Variants in PER3 observed in about 807,000 individuals in gnomAD.
PER3 encodes period circadian regulator 3, also known as period circadian protein homolog 3.
PER3 carries 107 observed loss-of-function variants against 127.2 expected under a neutral mutation model. That is an observed-to-expected ratio of 0.84 (90% CI 0.72 to 0.99). PER3 has a LOEUF of 0.99. Among genes scored for constraint, PER3 ranks in the 50% least tolerant of loss-of-function variants. The probability of loss-of-function intolerance (pLI) is 0.00; values close to 1 mark genes in which losing one functional copy is unlikely to be tolerated. For synonymous variants in PER3, 618 were observed against 585.8 expected, an observed-to-expected ratio of 1.05 and a Z score of -0.79; for missense variants, 1,560 against 1,525.8, an observed-to-expected ratio of 1.02 and a Z score of -0.37.
chr1:7,814,239 A>C (rs566113183), intron 13 of PER3, among the ~76,000 whole-genome samples: 1 of 152,266 alleles, frequency 6.6e-6, no homozygotes, highest in Non-Finnish European at 1.5e-5. Context: ...GGAATTTTCT[A>C]CTGAGCCAAA....
intron 10 of PER3, 93 bp downstream of exon 10, chr1:7,803,941 TAAAC>T (rs1257894887): frequency 5.1e-6 from 5 of 973,016 alleles, no homozygotes; most frequent in Non-Finnish European, 7.8e-6. Flanking sequence ...AATTGACACA[TAAAC>T]TAAATAAAGC....
chr1:7,831,152 T>C (rs563699527), intron 19 of PER3, among the ~76,000 whole-genome samples: 1 of 152,346 alleles, frequency 6.6e-6, no homozygotes, highest in Non-Finnish European at 1.5e-5. Context: ...GGTTTTATAG[T>C]TTTCAGCCTA....
chr1:7,794,055 G>C (rs774087439), intron 6 of PER3, 47 bp downstream of exon 6: 12 of 1,490,608 alleles, frequency 8.1e-6, no homozygotes, highest in South Asian at 1.1e-5. Flanking sequence ...ATTATGTTCT[G>C]AGTTTATTTT....
Position 7,835,800 on chromosome 1 carries a change from T to G in PER3, c.3253T>G (p.Tyr1085Asp), listed in dbSNP as rs754701955. Reference protein sequence around the residue: ...DSSIYLTSSVYSSKISQNGQQ... With the variant: ...DSSIYLTSSVDSSKISQNGQQ... Reference sequence around the variant, plus strand: ...CAGTATATACCTTACTAGTAGTGTTTATTCTTCTAAAATCTCCCAAAATGG... The same window carrying G: ...CAGTATATACCTTACTAGTAGTGTTGATTCTTCTAAAATCTCCCAAAATGG... The change falls in exon 20 of 22, where the codon TAT (tyrosine) becomes GAT (aspartate). Residue 1085 changes from tyrosine (Y) to aspartate (D), a missense_variant. Tyr to Asp is a radical substitution (Grantham distance 160). This residue lies in a region of PER3 where 199 missense variants were observed against 198.6 expected (regional missense o/e 1.00). Coordinates refer to ENST00000377532, the MANE Select transcript of PER3 (RefSeq NM_001377275.1). The G allele has an allele frequency of 1.2e-6, 2 of 1,612,910 alleles. No homozygotes were observed. Among genetic ancestry groups the G allele is most frequent in the Non-Finnish European group, 1.7e-6 (2 of 1,178,918 alleles).
chr1:7,787,575 G>A, intron 4 of PER3: 2 of 342,742 alleles, frequency 5.8e-6, no homozygotes, highest in Non-Finnish European at 1.1e-5. Context: ...GCCAATGCTA[G>A]CAAACACAAA....
At chr1:7,840,044 C>T (rs567371566) in intron 21 of PER3, among the ~76,000 whole-genome samples, 1 of 152,268 alleles carries the variant, frequency 6.6e-6, no homozygotes, top group Non-Finnish European at 1.5e-5. Flanking sequence ...CACATGTCCT[C>T]CAGGCCCTGT....
intron 15 of PER3, 109 bp downstream of exon 15, chr1:7,820,348 ACCT>A: frequency 1.4e-6 from 2 of 1,405,268 alleles, no homozygotes; most frequent in South Asian, 1.4e-5. Context: ...GTTTCATATT[ACCT>A]CTTTATGACA....
chr1:7,807,121 C>T (rs2097198466), intron 10 of PER3, among the ~76,000 whole-genome samples: 1 of 151,946 alleles, frequency 6.6e-6, no homozygotes, highest in Admixed American at 6.6e-5. Flanking sequence ...CAGGAGTGAA[C>T]AAAGTAGACA....
At chr1:7,810,208 T>A (rs2097213334) in intron 12 of PER3, 187 bp downstream of exon 12, 1 of 663,364 alleles carries the variant, frequency 1.5e-6, no homozygotes, top group Admixed American at 3.2e-5. Context: ...GAAAGTGATA[T>A]TTGAATTAAT....
At chr1:7,836,073 C>T (rs2151271916) in intron 20 of PER3, 128 bp downstream of exon 20, 5 of 599,944 alleles carry the variant, frequency 8.3e-6, no homozygotes, top group Non-Finnish European at 1.5e-5. Context: ...TCTCAGCACA[C>T]TGCAACCTCC....
At chr1:7,837,744 G>T (rs527659080) in intron 21 of PER3, among the ~76,000 whole-genome samples, 2 of 152,142 alleles carry the variant, frequency 1.3e-5, no homozygotes, top group Admixed American at 1.3e-4. Context: ...CTTTATTCCC[G>T]CAAGTATCAA....
Position 7,844,745 on chromosome 1 carries a change from A to G in PER3, c.*1990A>G, listed in dbSNP as rs2097403902. The G allele has an allele frequency of 1.3e-5, 2 of 152,650 alleles. No homozygotes were observed. Among genetic ancestry groups the G allele is most frequent in the African/African-American group, 4.8e-5 (2 of 41,418 alleles). The allele number at this position is 152,650 out of a possible 1,614,324, so 9.5% of individuals were successfully genotyped here. ...CTCCTGTGGGTGGACGCATTCACGC[A>G]CTCCCAGGTTGCACCTGCTGCTGGC... On this transcript the variant is annotated 3_prime_UTR_variant, in exon 22 of 22. Transcript: ENST00000377532.
chr1:7,828,790 G>A (rs2097314784), intron 18 of PER3, among the ~76,000 whole-genome samples: 2 of 152,176 alleles, frequency 1.3e-5, no homozygotes, highest in Non-Finnish European at 2.9e-5. Context: ...AGCTTACTCT[G>A]AGGGCTAAAT....
At chr1:7,842,620 C>T (rs2097396713) in intron 21 of PER3, 52 bp from the exon 22 acceptor site, 1 of 1,605,372 alleles carries the variant, frequency 6.2e-7, no homozygotes, top group African/African-American at 1.3e-5. Flanking sequence ...TTTTAAAACT[C>T]TTTAGGTGAC....
chr1:7,829,470 A>G (rs1470414412), intron 18 of PER3, among the ~76,000 whole-genome samples: 1 of 151,910 alleles, frequency 6.6e-6, no homozygotes, highest in Non-Finnish European at 1.5e-5. Context: ...TGCTGGCATC[A>G]CTCCTCTTGC....
At chr1:7,819,971 G>C in intron 14 of PER3, 144 bp from the exon 15 acceptor site, 1 of 761,602 alleles carries the variant, frequency 1.3e-6, no homozygotes, top group Non-Finnish European at 2.2e-6. Flanking sequence ...TCCAGTGATT[G>C]AGGCTGGGAT....
At chr1:7,812,146 T>C (rs1286291099) in intron 13 of PER3, among the ~76,000 whole-genome samples, 2 of 152,212 alleles carry the variant, frequency 1.3e-5, no homozygotes, top group Non-Finnish European at 2.9e-5. Flanking sequence ...TAGGATCTCA[T>C]GGTAGTATCA....
intron 5 of PER3, among the ~76,000 whole-genome samples, chr1:7,789,589 G>C (rs1416634426): frequency 6.6e-6 from 1 of 152,160 alleles, no homozygotes; most frequent in Admixed American, 6.5e-5. Context: ...TTTATCAGCA[G>C]CATGCAAACG....
intron 21 of PER3, among the ~76,000 whole-genome samples, chr1:7,842,160 T>G (rs537344227): frequency 3.7e-4 from 56 of 152,270 alleles, no homozygotes; most frequent in African/African-American, 1.3e-3. Context: ...GACCGAAACG[T>G]CATGTGGCAC....
Sources: allele counts gnomAD v4.1 joint callset (sites outside exome capture counted in the v4.1 genomes callset), GRCh38; gene constraint gnomAD v4.1.1; regional missense constraint gnomAD v4.1.1; transcripts MANE v1.5; gene names NCBI Gene and HGNC (gene_info 2026-07-23, HGNC 2026-07-21).